The following PTPRN2 variants were observed in gnomAD, a reference collection of about 807,000 sequenced individuals.
PTPRN2 encodes the protein receptor-type tyrosine-protein phosphatase N2.
A neutral mutation model predicts 118.8 loss-of-function variants in PTPRN2; 74 were observed. The ratio of observed to expected loss-of-function variants is 0.62; its 90% confidence interval spans 0.52 to 0.76. PTPRN2 has a LOEUF of 0.76. Among genes scored for constraint, PTPRN2 ranks in the 30% least tolerant of loss-of-function variants. The pLI, the probability that PTPRN2 is intolerant of heterozygous loss-of-function variation, is 0.00. For missense variants in PTPRN2, 1,481 were observed against 1,394.4 expected (o/e 1.06, Z -0.99); for synonymous variants, 641 against 608.0 (o/e 1.05, Z -0.80).
At position 158,205,176 on chromosome 7, in the gene PTPRN2, T is replaced by C; in HGVS notation, c.375A>G (p.Pro125=). The C allele has an allele frequency of 6.2e-7, 1 of 1,613,272 alleles. No homozygotes were observed. The highest frequency in any genetic ancestry group is 8.5e-7 in the Non-Finnish European group (1 of 1,179,156). ...TYLRRPEASS[P]ARPSKHSVGS... is the part of the protein sequence containing the mutation. Reference sequence around the variant, plus strand: ...CAAGCCACGTCCACACTTACCTGGCTGGGCTGGATGCTTCAGGACGCCTCA... The same window carrying C: ...CAAGCCACGTCCACACTTACCTGGCCGGGCTGGATGCTTCAGGACGCCTCA... Residue 125 remains proline (P), a synonymous_variant, in exon 4 of 23, where the codon CCA becomes CCG. Transcript: ENST00000389418.
chr7:158,333,718 C>T (rs2151175231), intron 2 of PTPRN2, among the ~76,000 whole-genome samples: 1 of 146,604 alleles, frequency 6.8e-6, no homozygotes, highest in Non-Finnish European at 1.5e-5. Flanking sequence ...AGCTGAGGCC[C>T]ACAGAGGTCA....
At chr7:157,818,669 A>G (rs6958049) in intron 12 of PTPRN2, among the ~76,000 whole-genome samples, 24,145 of 152,082 alleles carry the variant, frequency 0.16, 3,866 homozygotes, top group African/African-American at 0.4. Context: ...GGGATGCTAA[A>G]ATTTAATTTC....
chr7:157,978,917 T>C (rs115522168), intron 11 of PTPRN2, among the ~76,000 whole-genome samples: 220 of 152,160 alleles, frequency 1.4e-3, no homozygotes, highest in African/African-American at 5.1e-3. Flanking sequence ...TCCTGGCGAC[T>C]CACAAGGCTG....
intron 2 of PTPRN2, among the ~76,000 whole-genome samples, chr7:158,445,458 A>G (rs2129436334): frequency 6.6e-6 from 1 of 152,282 alleles, no homozygotes; most frequent in African/African-American, 2.4e-5. Context: ...CAGGCGCCAG[A>G]AACCCCAAGG....
At chr7:157,572,547 T>A (rs754263311) in intron 19 of PTPRN2, among the ~76,000 whole-genome samples, 3 of 151,616 alleles carry the variant, frequency 2.0e-5, no homozygotes, top group Non-Finnish European at 4.4e-5. Context: ...GGGAGGTGAG[T>A]GTCCAGTGAG....
intron 2 of PTPRN2, among the ~76,000 whole-genome samples, chr7:158,352,108 ACCGCTCCCCTCCTGT>A (rs1808017778): frequency 4.9e-5 from 1 of 20,246 alleles, no homozygotes. Flanking sequence ...TCCCCTCCTG[ACCGCTCCCCTCCTGT>A]CCGCTCCCCT....
intron 11 of PTPRN2, among the ~76,000 whole-genome samples, chr7:157,982,493 C>T (rs1803343503): frequency 8.1e-6 from 1 of 123,166 alleles, no homozygotes; most frequent in African/African-American, 3.2e-5. Flanking sequence ...GAGGGGAATG[C>T]AGAGTGCAGG....
chr7:158,070,803 C>G (rs1356365873), intron 11 of PTPRN2, among the ~76,000 whole-genome samples: 3 of 95,984 alleles, frequency 3.1e-5, no homozygotes, highest in African/African-American at 1.1e-4. Flanking sequence ...TGGAGGTGCC[C>G]GTGGTGGTGA....
chr7:158,560,556 C>G (rs1011995561), intron 1 of PTPRN2, among the ~76,000 whole-genome samples: 1 of 152,262 alleles, frequency 6.6e-6, no homozygotes, highest in African/African-American at 2.4e-5. Flanking sequence ...AGAACGGTGA[C>G]CACTTGCGCT....
rs1375081743 is a variant in PTPRN2, at chr7:157,964,073, T to C, written c.1724-65336A>G. Among the ~76,000 whole-genome samples the C allele has an allele frequency of 6.6e-6, 1 of 152,154 alleles. No homozygotes were observed. The highest frequency in any genetic ancestry group is 2.4e-5 in the African/African-American group (1 of 41,430). On this transcript the variant is annotated intron_variant, in intron 11 of 22. Transcript: ENST00000389418. The surrounding 1 kb of genome is among the most constrained non-coding windows in gnomAD (Gnocchi z 9.0). ...AGATTATTCCCAATAGATCTTAGTC[T>C]TCATCTGTAAGAGGCTGTTGAGGGC...
intron 2 of PTPRN2, among the ~76,000 whole-genome samples, chr7:158,349,887 G>A (rs1456927875): frequency 6.6e-6 from 1 of 151,896 alleles, no homozygotes; most frequent in Non-Finnish European, 1.5e-5. Flanking sequence ...GTGCTCCCTG[G>A]GTGGTCCCTG....
At chr7:157,885,625 G>A (rs905329228) in intron 12 of PTPRN2, among the ~76,000 whole-genome samples, 1 of 152,196 alleles carries the variant, frequency 6.6e-6, no homozygotes, top group African/African-American at 2.4e-5. Flanking sequence ...TTGAAAATTA[G>A]GGTTTCCCAC....
intron 3 of PTPRN2, among the ~76,000 whole-genome samples, chr7:158,280,257 C>T (rs1464541931): frequency 5.3e-5 from 8 of 152,208 alleles, no homozygotes; most frequent in South Asian, 4.1e-4. Flanking sequence ...AGGTCCTCTC[C>T]GGCCTGAAGC....
rs1375322091 is a variant in PTPRN2, at chr7:157,931,972, T to C, written c.1724-33235A>G. On this transcript the variant is annotated intron_variant, in intron 11 of 22. Coordinates refer to ENST00000389418, the MANE Select transcript of PTPRN2 (RefSeq NM_002847.5). ...GTTATTTTAACATACGTCAGATTTA[T>C]AGAAAAGTTGTAAGACTATCATACA... Among the ~76,000 whole-genome samples the C allele has an allele frequency of 3.3e-5, 5 of 152,204 alleles. No homozygotes were observed. The East Asian group carries it at 7.7e-4, about 23-fold the overall frequency.
chr7:158,100,379 C>G (rs1030960182), intron 10 of PTPRN2, among the ~76,000 whole-genome samples: 2 of 151,972 alleles, frequency 1.3e-5, no homozygotes, highest in African/African-American at 2.4e-5. Flanking sequence ...GTGCAAATAT[C>G]TTTCTCGTAT....
At chr7:157,860,362 C>T (rs1159819101) in intron 12 of PTPRN2, among the ~76,000 whole-genome samples, 2 of 152,210 alleles carry the variant, frequency 1.3e-5, no homozygotes, top group Non-Finnish European at 2.9e-5. Context: ...ACAGTCCACC[C>T]ACAGCCTTCG....
At chr7:158,267,141 T>C (rs1797939651) in intron 3 of PTPRN2, among the ~76,000 whole-genome samples, 1 of 152,142 alleles carries the variant, frequency 6.6e-6, no homozygotes, top group African/African-American at 2.4e-5. Context: ...GATCTAGAAA[T>C]GTTGACACTT....
At chr7:158,203,289 AAGGG>A (rs1826806862) in intron 4 of PTPRN2, among the ~76,000 whole-genome samples, 1 of 150,886 alleles carries the variant, frequency 6.6e-6, no homozygotes, top group Admixed American at 6.6e-5. Context: ...GGAAGGAAGG[AAGGG>A]AGGAAGGAAG....
At chr7:157,829,306 A>C (rs1159636269) in intron 12 of PTPRN2, among the ~76,000 whole-genome samples, 1 of 152,170 alleles carries the variant, frequency 6.6e-6, no homozygotes, top group African/African-American at 2.4e-5. Context: ...ACGGTGGCGC[A>C]AAAGAGATGA....
Sources: allele counts gnomAD v4.1 joint callset (sites outside exome capture counted in the v4.1 genomes callset), GRCh38; gene constraint gnomAD v4.1.1; non-coding constraint Gnocchi (gnomAD v3.1); transcripts MANE v1.5; gene names NCBI Gene and HGNC (gene_info 2026-07-23, HGNC 2026-07-21).